NPEPPS: variants seen among roughly 807,000 people sequenced by gnomAD.
NPEPPS encodes the protein puromycin-sensitive aminopeptidase.
Under a neutral mutation model 115.5 loss-of-function variants are expected in NPEPPS, and 14 were observed. The ratio of observed to expected loss-of-function variants is 0.12; its 90% CI spans 0.08 to 0.19. The LOEUF (loss-of-function observed/expected upper bound fraction) is 0.19. NPEPPS is among the 10% of genes least tolerant of loss of function. NPEPPS has a pLI of 1.00. For synonymous variants in NPEPPS, 285 were observed against 390.6 expected (o/e 0.73, Z 3.19); for missense variants, 523 against 1,110.8 (o/e 0.47, Z 7.52).
In NPEPPS at chr17:47,622,893, C is replaced by A; in HGVS notation, c.*973C>A. 1 of 455,924 alleles carries A rather than the reference C, an allele frequency of 2.2e-6. No individual in the cohort carries two copies. The highest frequency in any genetic ancestry group is 7.0e-5 in the East Asian group (1 of 14,374). 28.2% of individuals were successfully genotyped at this position (455,924 alleles called of 1,614,324 possible). A position where few individuals can be genotyped will look rare whatever the true frequency, so the allele number is the denominator to read the frequency against. ...CAACAGTATCAACACTGGCTTCTCC[C>A]GGTTCATTTTATGCGTGCGAGAAGT... is the stretch of plus-strand genomic sequence containing the variant. On this transcript the variant is annotated 3_prime_UTR_variant, in exon 23 of 23. Coordinates refer to ENST00000322157, the MANE Select transcript of NPEPPS (RefSeq NM_006310.4).
chr17:47,587,047 G>A, intron 8 of NPEPPS, 183 bp from the exon 9 acceptor site: 1 of 525,230 alleles, frequency 1.9e-6, no homozygotes, highest in Non-Finnish European at 3.4e-6. Context: ...ATATTCTGTT[G>A]TATTAATTCT....
chr17:47,612,684 GACAGAGTCTTGCTCTGTCGCC>G, intron 18 of NPEPPS, 82 bp downstream of exon 18: 1 of 1,199,214 alleles, frequency 8.3e-7, no homozygotes, highest in Non-Finnish European at 1.2e-6. Context: ...TTTTTTTTGA[GACAGAGTCTTGCTCTGTCGCC>G]CAGGCTGGAG....
chr17:47,620,483 A>G (rs1257912902), intron 22 of NPEPPS, among the ~76,000 whole-genome samples: 1 of 152,198 alleles, frequency 6.6e-6, no homozygotes, highest in Non-Finnish European at 1.5e-5. Context: ...TAGTTCAACA[A>G]TATTTATTGA....
At chr17:47,550,819 G>T (rs1211694638) in intron 2 of NPEPPS, among the ~76,000 whole-genome samples, 1 of 151,706 alleles carries the variant, frequency 6.6e-6, no homozygotes, top group Non-Finnish European at 1.5e-5. Context: ...TAGAGACAGG[G>T]TTTCACCATG....
At chr17:47,538,678 T>G (rs1908524035) in intron 1 of NPEPPS, among the ~76,000 whole-genome samples, 1 of 151,808 alleles carries the variant, frequency 6.6e-6, no homozygotes, top group Admixed American at 6.6e-5. Flanking sequence ...TACAGGCACC[T>G]GCCATCATGC....
chr17:47,586,557 A>G (rs2143855664), intron 8 of NPEPPS, 159 bp downstream of exon 8: 1 of 653,052 alleles, frequency 1.5e-6, no homozygotes, highest in Non-Finnish European at 2.8e-6. Context: ...GCAGATGGAC[A>G]CCCCTCCCTT....
intron 19 of NPEPPS, among the ~76,000 whole-genome samples, chr17:47,616,342 G>C (rs1170105181): frequency 6.6e-6 from 1 of 151,996 alleles, no homozygotes; most frequent in Non-Finnish European, 1.5e-5. Flanking sequence ...GAGGCCAGGA[G>C]TTCAAGACCA....
At chr17:47,559,980 G>C (rs1472161481) in intron 2 of NPEPPS, among the ~76,000 whole-genome samples, 4 of 152,106 alleles carry the variant, frequency 2.6e-5, no homozygotes, top group African/African-American at 9.7e-5. Context: ...TTCTAAATCT[G>C]CTACTTCTCT....
At chr17:47,586,999 A>G (rs1319980854) in intron 8 of NPEPPS, 7 of 439,098 alleles carry the variant, frequency 1.6e-5, no homozygotes, top group South Asian at 2.4e-5. Flanking sequence ...CAGCTATTCT[A>G]TCAACAAACT....
intron 1 of NPEPPS, among the ~76,000 whole-genome samples, chr17:47,539,625 A>G (rs1908607342): frequency 6.6e-6 from 1 of 152,102 alleles, no homozygotes; most frequent in African/African-American, 2.4e-5. Context: ...GTAGGTGCGT[A>G]TTATTCCTTT....
Position 47,601,270 on chromosome 17 carries a change from TTTG to T in NPEPPS, c.1601-323_1601-321del, listed in dbSNP as rs575234110. ...TATACATACATATATATATATATTTTTTGTTGTTGTTGTTGTTTTTTTACTTTA... is the reference window on the plus strand; with the variant it reads ...TATACATACATATATATATATATTTTTTGTTGTTGTTGTTTTTTTACTTTA... On this transcript the variant is annotated intron_variant, in intron 14 of 22. Coordinates refer to ENST00000322157, the MANE Select transcript of NPEPPS (RefSeq NM_006310.4). 5.3e-5 allele frequency among the ~76,000 whole-genome samples: 8 copies of T among 152,144 alleles called. No homozygotes were observed. In the East Asian group the frequency reaches 5.8e-4, roughly 11 times the overall value.
At chr17:47,524,414 C>A (rs1045708838) in intron 1 of NPEPPS, among the ~76,000 whole-genome samples, 1 of 149,328 alleles carries the variant, frequency 6.7e-6, no homozygotes, top group African/African-American at 2.6e-5. Flanking sequence ...GCCTCAAACT[C>A]CTGGATTCAA....
intron 12 of NPEPPS, among the ~76,000 whole-genome samples, chr17:47,594,671 C>T (rs1332162616): frequency 6.8e-5 from 10 of 147,164 alleles, no homozygotes; most frequent in Non-Finnish European, 1.2e-4. Flanking sequence ...CTCGCTCTGT[C>T]GCCCAGGCTG....
At chr17:47,546,667 G>A (rs1260613582) in intron 2 of NPEPPS, among the ~76,000 whole-genome samples, 1 of 152,050 alleles carries the variant, frequency 6.6e-6, no homozygotes, top group Non-Finnish European at 1.5e-5. Flanking sequence ...AGCCTCCTGA[G>A]TGGCTGAGAT....
chr17:47,598,731 G>C (rs1913021352), intron 13 of NPEPPS, among the ~76,000 whole-genome samples: 1 of 152,228 alleles, frequency 6.6e-6, no homozygotes, highest in African/African-American at 2.4e-5. Flanking sequence ...ACAGAGAACA[G>C]TAATGCCACA....
chr17:47,613,169 G>C (rs1028905030), intron 18 of NPEPPS, among the ~76,000 whole-genome samples: 90 of 151,770 alleles, frequency 5.9e-4, no homozygotes, highest in African/African-American at 2.1e-3. Context: ...TGCTCTGCTG[G>C]TACAACATGC....
chr17:47,570,233 C>T (rs550821556), intron 3 of NPEPPS, among the ~76,000 whole-genome samples: 79 of 152,194 alleles, frequency 5.2e-4, no homozygotes, highest in Non-Finnish European at 5.3e-4. Flanking sequence ...ACCAGCATGG[C>T]GAACATGGCA....
intron 21 of NPEPPS, 155 bp downstream of exon 21, chr17:47,619,319 C>T (rs1478121791): frequency 1.6e-5 from 12 of 735,742 alleles, no homozygotes; most frequent in African/African-American, 8.7e-5. Flanking sequence ...TTTGGGACGC[C>T]GAGGTGGGCA....
intron 9 of NPEPPS, among the ~76,000 whole-genome samples, chr17:47,590,111 G>T (rs1912412223): frequency 6.6e-6 from 1 of 152,214 alleles, no homozygotes; most frequent in African/African-American, 2.4e-5. Flanking sequence ...CGGGAGGATT[G>T]CTTGAGCCCA....
Sources: allele counts gnomAD v4.1 joint callset (sites outside exome capture counted in the v4.1 genomes callset), GRCh38; gene constraint gnomAD v4.1.1; transcripts MANE v1.5; gene names NCBI Gene and HGNC (gene_info 2026-07-23, HGNC 2026-07-21).